G6PC3: variants seen among roughly 807,000 people sequenced by gnomAD.
G6PC3 encodes glucose-6-phosphatase catalytic subunit 3.
A neutral mutation model predicts 38.6 loss-of-function variants in G6PC3; 30 were observed. The ratio of observed to expected loss-of-function variants is 0.78; its 90% CI spans 0.58 to 1.05. G6PC3 has a LOEUF of 1.05. Among genes scored for constraint, G6PC3 ranks in the 50% least tolerant of loss-of-function variants. G6PC3 has a pLI of 0.00. For synonymous variants in G6PC3, 192 were observed against 178.1 expected (o/e 1.08, Z -0.62); for missense variants, 377 against 443.1 (o/e 0.85, Z 1.34).
At chr17:44,074,343 G>C in intron 2 of G6PC3, 77 bp downstream of exon 2, 1 of 1,190,014 alleles carries the variant, frequency 8.4e-7, no homozygotes, top group Admixed American at 1.7e-5. Context: ...TTTTCAGCCT[G>C]GGTGGCCCAA....
intron 1 of G6PC3, 33 bp from the exon 2 acceptor site, chr17:44,074,127 G>A: frequency 6.7e-7 from 1 of 1,493,180 alleles, no homozygotes; most frequent in Non-Finnish European, 9.3e-7. Flanking sequence ...GTGTGTGCAT[G>A]TGGAAAGTCA....
rs761662948 is a variant in G6PC3, at chr17:44,071,730, T to C, written c.218+547T>C. ...CATGCCCAACGGCATAGGCAGCACT[T>C]GAAAACTGGCTAAAAACGCAGACTC... is the stretch of plus-strand genomic sequence containing the variant. On this transcript the variant is annotated intron_variant, in intron 1 of 5. Coordinates refer to ENST00000269097, the MANE Select transcript of G6PC3 (RefSeq NM_138387.4). The C allele has an allele frequency of 1.2e-4, 117 of 957,622 alleles. No homozygotes were observed. In the African/African-American group the frequency reaches 1.8e-3, roughly 15 times the overall value. The allele number at this position is 957,622 out of a possible 1,614,324, so 59.3% of individuals were successfully genotyped here.
Position 44,075,901 on chromosome 17 carries a change from T to C in G6PC3, c.899T>C (p.Leu300Pro), listed in dbSNP as rs1367130484. 13 of 1,613,018 alleles carry C rather than the reference T, an allele frequency of 8.1e-6. No homozygotes were observed. The highest frequency in any genetic ancestry group is 9.3e-6 in the Non-Finnish European group (11 of 1,180,022). The change falls in exon 6 of 6, where the codon CTG becomes CCG. Residue 300 changes from leucine to proline, a missense_variant. Leu to Pro is a moderately conservative substitution (Grantham distance 98). Coordinates refer to ENST00000269097, the MANE Select transcript of G6PC3 (RefSeq NM_138387.4). ...GGGCTGCTGGGCCCCCTGGACTGGC[T>C]GGGCCACCCCCCTCAGATCAGCCTC... ...AMGLLGPLDW[L>P]GHPPQISLFY...
intron 2 of G6PC3, 42 bp from the exon 3 acceptor site, chr17:44,074,638 T>G: frequency 6.3e-7 from 1 of 1,586,236 alleles, no homozygotes. Context: ...CCCGGGGTTC[T>G]GCCTCCATCT....
At position 44,076,068 on chromosome 17, in the gene G6PC3, T is replaced by C; in HGVS notation, c.*25T>C. 1.2e-6 allele frequency: 2 copies of C among 1,610,386 alleles called. No homozygotes were observed. The highest frequency in any genetic ancestry group is 1.7e-5 in the Admixed American group (1 of 60,006). ...ACTTCTTGTGTGCCTCCCTTTCCTT[T>C]CCCTCCCACAAAGCCAACACTCTGT... On this transcript the variant is annotated 3_prime_UTR_variant, in exon 6 of 6. Transcript: ENST00000269097.
At position 44,075,763 on chromosome 17, in the gene G6PC3, A is replaced by G; in HGVS notation, c.761A>G (p.Asp254Gly). ...DSRPFASLSR[D>G]SGAALGLGIA... ...CGGCCCTTTGCCTCCCTGAGCCGTG[A>G]CTCAGGGGCTGCCCTGGGCCTGGGC... The change falls in exon 6 of 6, where the codon GAC becomes GGC. Residue 254 changes from aspartate (D) to glycine (G), a missense_variant. Asp to Gly is a moderately conservative substitution (Grantham distance 94). Transcript: ENST00000269097. 1 of 1,612,362 alleles carries G rather than the reference A, an allele frequency of 6.2e-7. No homozygotes were observed. Among genetic ancestry groups the G allele is most frequent in the Non-Finnish European group, 8.5e-7 (1 of 1,179,932 alleles).
Position 44,076,077 on chromosome 17 carries a change from C to G in G6PC3, c.*34C>G. 1.2e-6 allele frequency: 2 copies of G among 1,609,398 alleles called. No individual in the cohort carries two copies. Among genetic ancestry groups the G allele is most frequent in the Non-Finnish European group, 1.7e-6 (2 of 1,179,946 alleles). On this transcript the variant is annotated 3_prime_UTR_variant, in exon 6 of 6. Transcript: ENST00000269097. The stretch of plus-strand genomic sequence containing the variant: ...GTGCCTCCCTTTCCTTTCCCTCCCA[C>G]AAAGCCAACACTCTGTGACCACCAC...
chr17:44,071,980 C>G (rs181902945), intron 1 of G6PC3: 291 of 282,360 alleles, frequency 1.0e-3, no homozygotes, highest in Non-Finnish European at 1.7e-3. Flanking sequence ...GCTGGGCATG[C>G]AGCCACACCT....
intron 1 of G6PC3, 112 bp downstream of exon 1, chr17:44,071,295 C>T: frequency 1.3e-6 from 2 of 1,507,714 alleles, no homozygotes; most frequent in Non-Finnish European, 1.8e-6. Context: ...CACCCCTACT[C>T]TGTAGTCCCT....
Position 44,075,447 on chromosome 17 carries a change from T to G in G6PC3, c.673T>G (p.Ser225Ala), listed in dbSNP as rs1030447362. 6.2e-7 allele frequency: 1 copy of G among 1,614,042 alleles called. No homozygotes were observed. Among genetic ancestry groups the G allele is most frequent in the Non-Finnish European group, 8.5e-7 (1 of 1,180,040 alleles). The change falls in exon 5 of 6, where the codon TCT becomes GCT. Residue 225 changes from serine (S) to alanine (A), a missense_variant. Coordinates refer to ENST00000269097, the MANE Select transcript of G6PC3 (RefSeq NM_138387.4). ...CCTCTTTACACTGGGCCTGGATCTT[T>G]CTTGGTAAGTCTCGCTTTGAAGCCT... ...WTLFTLGLDL[S>A]WSISLAFKWC... is the part of the protein sequence containing the mutation.
At position 44,070,860 on chromosome 17, in the gene G6PC3, C is replaced by T. The variant is rs2049962396; in HGVS notation, c.-106C>T. 5.3e-6 allele frequency: 7 copies of T among 1,322,910 alleles called. No individual in the cohort carries two copies. The highest frequency in any genetic ancestry group is 7.3e-6 in the Non-Finnish European group (7 of 955,010). 81.9% of individuals were successfully genotyped at this position (1,322,910 alleles called of 1,614,324 possible). ...ACCGCTGGCGGGGCGGGGCCTGGGG[C>T]TCAGAGGGGTGGGCTTTGGAGATCA... is the stretch of plus-strand genomic sequence containing the variant. On this transcript the variant is annotated 5_prime_UTR_variant, in exon 1 of 6. Coordinates refer to ENST00000269097, the MANE Select transcript of G6PC3 (RefSeq NM_138387.4).
chr17:44,071,178 C>T lies in G6PC3; in HGVS notation c.213C>T (p.Phe71=), dbSNP rs1392954032. The part of the protein sequence containing the change: ...SLITEWLNLI[F]KWFLFGDRPF... ...TCACCGAGTGGCTCAACCTCATCTT[C>T]AAGTGGTGAGACAGAGAAGCCCTCC... The change falls in exon 1 of 6, where the codon TTC becomes TTT. Residue 71 remains phenylalanine (F), a synonymous_variant. Transcript: ENST00000269097. 6.2e-7 allele frequency: 1 copy of T among 1,613,182 alleles called. No homozygotes were observed. Among genetic ancestry groups the T allele is most frequent in the South Asian group, 1.1e-5 (1 of 90,854 alleles).
chr17:44,071,637 T>G, intron 1 of G6PC3: 1 of 1,278,590 alleles, frequency 7.8e-7, no homozygotes, highest in Non-Finnish European at 1.0e-6. Context: ...GAAGCATGCT[T>G]TGTGCTGGGC....
intron 1 of G6PC3, chr17:44,072,720 CTT>C (rs3040007): frequency 0.6 from 89,471 of 150,216 alleles, 27,619 homozygotes; most frequent in East Asian, 0.92. Context: ...ACTGAAACCT[CTT>C]TGTCTCTCAG....
In G6PC3 at chr17:44,071,491, G is replaced by A. The variant is rs893439669; in HGVS notation, c.218+308G>A. Reference sequence around the variant, plus strand: ...TAATTTAGAAACTCCAAGGGGTTGGGAATTTATTTTTTATTTTTTATTTTT... The same window carrying A: ...TAATTTAGAAACTCCAAGGGGTTGGAAATTTATTTTTTATTTTTTATTTTT... On this transcript the variant is annotated intron_variant, in intron 1 of 5. Coordinates refer to ENST00000269097, the MANE Select transcript of G6PC3 (RefSeq NM_138387.4). 4 of 635,816 alleles carry A rather than the reference G, an allele frequency of 6.3e-6. No homozygotes were observed. The Admixed American group carries it at 1.3e-4, about 21-fold the overall frequency. The allele number at this position is 635,816 out of a possible 1,614,324, so 39.4% of individuals were successfully genotyped here. A position where few individuals can be genotyped will look rare whatever the true frequency, so the allele number is the denominator to read the frequency against.
rs771421841 is a variant in G6PC3, at chr17:44,076,138, A to G, written c.*95A>G. ...GCAGCCCCATCCCCTTCCAGCCCCT[A>G]AGTAGGCCCTCCCCTCCCTAAATCT... On this transcript the variant is annotated 3_prime_UTR_variant, in exon 6 of 6. Transcript: ENST00000269097. 3 of 1,506,694 alleles carry G rather than the reference A, an allele frequency of 2.0e-6. No homozygotes were observed. Among genetic ancestry groups the G allele is most frequent in the Non-Finnish European group, 2.7e-6 (3 of 1,095,792 alleles). The allele number at this position is 1,506,694 out of a possible 1,614,324, so 93.3% of individuals were successfully genotyped here.
At position 44,074,998 on chromosome 17, in the gene G6PC3, C is replaced by CT; in HGVS notation, c.448dup (p.Tyr150LeufsTer87). The CT allele has an allele frequency of 6.2e-7, 1 of 1,614,150 alleles. No individual in the cohort carries two copies. The highest frequency in any genetic ancestry group is 8.5e-7 in the Non-Finnish European group (1 of 1,180,010). ...TGGGTAAGGGTGATGCCTAGCCTGG[C>CT]TTATTGCACCTTCCTTTTGGCGGTT... is the stretch of plus-strand genomic sequence containing the variant. On this transcript the variant is annotated frameshift_variant, in exon 4 of 6. Coordinates refer to ENST00000269097, the MANE Select transcript of G6PC3 (RefSeq NM_138387.4).
rs148030756 is a variant in G6PC3, at chr17:44,075,036, A to G, written c.484A>G (p.Ile162Val). The change falls in exon 4 of 6, where the codon ATC (isoleucine) becomes GTC (valine). Residue 162 changes from isoleucine to valine, a missense_variant. Transcript: ENST00000269097. ...CCTTTTGGCGGTTGGCTTGTCGCGAATCTTCATCTTAGCACATTTCCCTCA... is the reference window on the plus strand; with the variant it reads ...CCTTTTGGCGGTTGGCTTGTCGCGAGTCTTCATCTTAGCACATTTCCCTCA... ...TFLLAVGLSRIFILAHFPHQV... is the reference protein window; with the variant it reads ...TFLLAVGLSRVFILAHFPHQV... 7.1e-5 allele frequency: 115 copies of G among 1,613,946 alleles called. 1 individual carries two copies. The highest frequency in any genetic ancestry group is 9.9e-5 in the South Asian group (9 of 91,076).
chr17:44,074,903 T>C (rs1936265517), intron 3 of G6PC3, 66 bp from the exon 4 acceptor site: 6 of 1,470,078 alleles, frequency 4.1e-6, no homozygotes, highest in African/African-American at 2.8e-5. Flanking sequence ...ATGGAGTACC[T>C]GGGTGCTGCA....
Sources: allele counts gnomAD v4.1 joint callset, GRCh38; gene constraint gnomAD v4.1.1; transcripts MANE v1.5; gene names NCBI Gene and HGNC (gene_info 2026-07-23, HGNC 2026-07-21).